Variants in PDE10A observed in about 807,000 individuals in gnomAD.
PDE10A encodes the protein phosphodiesterase 10A, also known as cAMP and cAMP-inhibited cGMP 3',5'-cyclic phosphodiesterase 10A.
In PDE10A, 39 loss-of-function variants were observed where a neutral mutation model predicts 97.7. That is an observed-to-expected ratio of 0.40 (90% confidence interval 0.31 to 0.52). The LOEUF is 0.52. Ranked by LOEUF, PDE10A falls within the 20% of genes least tolerant of loss-of-function variation. PDE10A has a pLI of 0.56. For synonymous variants in PDE10A, 371 were observed against 376.8 expected (o/e 0.98, Z 0.18); for missense variants, 731 against 1,047.8 (o/e 0.70, Z 4.17).
At chr6:165,604,063 C>A (rs746601037) in intron 1 of PDE10A, among the ~76,000 whole-genome samples, 2 of 152,078 alleles carry the variant, frequency 1.3e-5, no homozygotes, top group Non-Finnish European at 2.9e-5. Flanking sequence ...AAATATATAA[C>A]AAAGAAATAG....
At chr6:165,723,485 G>C (rs1248242016) in intron 1 of PDE10A, among the ~76,000 whole-genome samples, 1 of 152,216 alleles carries the variant, frequency 6.6e-6, no homozygotes, top group Non-Finnish European at 1.5e-5. Context: ...TGTGACACCC[G>C]GTAGTGGGAT....
rs758615555 is a variant in PDE10A at position 165,958,765 on chromosome 6, G to GA, written c.-615+28763dup. Among the ~76,000 whole-genome samples the GA allele has an allele frequency of 2.2e-4, 32 of 145,056 alleles. 1 individual carries two copies. Among genetic ancestry groups the GA allele is most frequent in the South Asian group, 1.1e-3 (5 of 4,522 alleles). On this transcript the variant is annotated intron_variant, in intron 1 of 19. Transcript: ENST00000366882. ...AAAGAAAGAGAAAGAAAGAAAGAAA[G>GA]AAGAAAGCAAGCCAGCCATGCCTCC...
chr6:165,839,827 ATCTCGT>A (rs1780174798), intron 1 of PDE10A, among the ~76,000 whole-genome samples: 1 of 19,584 alleles, frequency 5.1e-5, no homozygotes, highest in Non-Finnish European at 1.1e-4. Flanking sequence ...CCCATCTCCA[ATCTCGT>A]CTCCATTCTT....
chr6:165,781,560 A>T, intron 1 of PDE10A: 1 of 152,262 alleles, frequency 6.6e-6, no homozygotes, highest in East Asian at 1.9e-4. Flanking sequence ...TGACTAGGTT[A>T]CCTCACATGG....
intron 18 of PDE10A, among the ~76,000 whole-genome samples, chr6:165,378,285 T>C (rs1275389656): frequency 2.0e-5 from 3 of 152,160 alleles, no homozygotes; most frequent in African/African-American, 7.2e-5. Context: ...AGAGGAGATA[T>C]ACAGAACACC....
At chr6:165,946,388 G>A (rs779217924) in intron 1 of PDE10A, among the ~76,000 whole-genome samples, 3 of 152,010 alleles carry the variant, frequency 2.0e-5, no homozygotes, top group Non-Finnish European at 2.9e-5. Flanking sequence ...CCAGCTACTA[G>A]GGAGGCTGAG....
chr6:165,430,210 T>C (rs963060203), intron 9 of PDE10A, 77 bp downstream of exon 9: 13 of 975,902 alleles, frequency 1.3e-5, no homozygotes, highest in Non-Finnish European at 1.4e-5. Context: ...TAGACAATGG[T>C]CTATTTCTGC....
intron 1 of PDE10A, 150 bp from the exon 2 acceptor site, chr6:165,543,718 T>C (rs146184064): frequency 3.6e-6 from 2 of 557,004 alleles, no homozygotes; most frequent in African/African-American, 1.9e-5. Context: ...AAGCTACTGC[T>C]TAGTGGGTAC....
intron 2 of PDE10A, among the ~76,000 whole-genome samples, chr6:165,507,286 G>A (rs1781251740): frequency 6.6e-6 from 1 of 152,086 alleles, no homozygotes; most frequent in Admixed American, 6.6e-5. Flanking sequence ...GCTAGCTAGA[G>A]TTCCGTTTGG....
chr6:165,431,105 G>A (rs1310551149), intron 8 of PDE10A, among the ~76,000 whole-genome samples: 5 of 152,034 alleles, frequency 3.3e-5, no homozygotes, highest in Non-Finnish European at 7.4e-5. Context: ...AACTCCAGTA[G>A]GAGATTGTTC....
intron 1 of PDE10A, among the ~76,000 whole-genome samples, chr6:165,792,245 C>G (rs910234832): frequency 1.3e-5 from 2 of 152,324 alleles, no homozygotes; most frequent in African/African-American, 4.8e-5. Context: ...GGTTTTCACC[C>G]CTAAGATGAG....
At chr6:165,369,882 G>A (rs9459390) in intron 18 of PDE10A, among the ~76,000 whole-genome samples, 70,406 of 151,038 alleles carry the variant, frequency 0.47, 17,322 homozygotes, top group African/African-American at 0.63. Context: ...CAAATCTCTC[G>A]GCAGAAACCC....
At position 165,486,401 on chromosome 6, in the gene PDE10A, C is replaced by T. The variant is rs550870566; in HGVS notation, c.995-4058G>A. On this transcript the variant is annotated intron_variant, in intron 2 of 21. Coordinates refer to ENST00000539869, the MANE Select transcript of PDE10A (RefSeq NM_001385079.1). ...TTCACTACTCAGGTCAAACAGGTCG[C>T]TTCTGTATATAAGTACTACATACTA... Among the ~76,000 whole-genome samples, 18 of 152,312 alleles carry T rather than the reference C, an allele frequency of 1.2e-4. No homozygotes were observed. In the East Asian group the frequency reaches 3.3e-3, roughly 28 times the overall value.
chr6:165,336,046 A>G (rs1781624828), intron 21 of PDE10A, 77 bp downstream of exon 21: 3 of 1,065,284 alleles, frequency 2.8e-6, no homozygotes, highest in Middle Eastern at 2.0e-4. Context: ...ACAACACACT[A>G]GTGGGGTACA....
intron 1 of PDE10A, among the ~76,000 whole-genome samples, chr6:165,919,942 A>G (rs1221205409): frequency 6.6e-6 from 1 of 152,142 alleles, no homozygotes; most frequent in Non-Finnish European, 1.5e-5. Context: ...CATATTCCTT[A>G]GAGTCTCTGA....
intron 1 of PDE10A, among the ~76,000 whole-genome samples, chr6:165,567,240 T>C (rs1277379243): frequency 6.6e-6 from 1 of 152,080 alleles, no homozygotes; most frequent in Non-Finnish European, 1.5e-5. Context: ...GTTGGAAAAA[T>C]GTCACTATCT....
intron 1 of PDE10A, among the ~76,000 whole-genome samples, chr6:165,945,490 G>A (rs1417076691): frequency 2.6e-5 from 4 of 152,200 alleles, no homozygotes; most frequent in Non-Finnish European, 5.9e-5. Flanking sequence ...TAAACTCCAA[G>A]GTGATAGTAT....
At chr6:165,644,562 C>T (rs190125587) in intron 1 of PDE10A, among the ~76,000 whole-genome samples, 80 of 152,280 alleles carry the variant, frequency 5.3e-4, no homozygotes, top group Non-Finnish European at 9.3e-4. Context: ...TGAAGGGAGA[C>T]GCCAAATGTG....
At chr6:165,650,473 T>G (rs544917526) in intron 1 of PDE10A, among the ~76,000 whole-genome samples, 2 of 144,212 alleles carry the variant, frequency 1.4e-5, no homozygotes, top group Non-Finnish European at 3.1e-5. Flanking sequence ...ATGCTTTTAT[T>G]GTCCTTTCTA....
Sources: gnomAD v4.1 joint callset for allele counts (sites outside exome capture counted in the v4.1 genomes callset) on GRCh38, gnomAD v4.1.1 for gene constraint, MANE v1.5 for transcripts, NCBI Gene and HGNC (gene_info 2026-07-23, HGNC 2026-07-21) for gene names.